The following ARNT2 variants were observed in gnomAD, a reference collection of about 807,000 sequenced individuals.
ARNT2 encodes the protein aryl hydrocarbon receptor nuclear translocator 2, also known as ARNT protein 2.
Under a neutral mutation model 91.7 loss-of-function variants are expected in ARNT2, and 36 were observed. That is an observed-to-expected ratio of 0.39 (90% CI 0.30 to 0.52). The LOEUF (loss-of-function observed/expected upper bound fraction) is 0.52, where lower values mean the gene tolerates loss of function less well. Among genes scored for constraint, ARNT2 ranks in the 20% least tolerant of loss-of-function variants. ARNT2 has a pLI of 0.72. For synonymous variants in ARNT2, 365 were observed against 347.1 expected, an observed-to-expected ratio of 1.05 and a Z score of -0.57; for missense variants, 775 against 939.3, an observed-to-expected ratio of 0.83 and a Z score of 2.29.
At chr15:80,576,176 C>T (rs986785910) in intron 14 of ARNT2, among the ~76,000 whole-genome samples, 21 of 152,160 alleles carry the variant, frequency 1.4e-4, no homozygotes, top group African/African-American at 5.1e-4. Flanking sequence ...CCATCCTCTT[C>T]GCTGTTACCC....
intron 3 of ARNT2, among the ~76,000 whole-genome samples, chr15:80,459,819 T>C (rs2094698935): frequency 6.6e-6 from 1 of 152,214 alleles, no homozygotes; most frequent in African/African-American, 2.4e-5. Context: ...GTTTCCAGCA[T>C]ATGCTGTTAC....
chr15:80,520,656 T>C (rs906556482), intron 8 of ARNT2, among the ~76,000 whole-genome samples: 12 of 152,168 alleles, frequency 7.9e-5, no homozygotes, highest in Middle Eastern at 3.2e-3. Context: ...ATTGTGGAGA[T>C]GATAACGTGA....
At chr15:80,515,625 G>A (rs12442634) in intron 8 of ARNT2, among the ~76,000 whole-genome samples, 89,890 of 151,764 alleles carry the variant, frequency 0.59, 27,425 homozygotes, top group African/African-American at 0.72. Flanking sequence ...TGTTTCTTTT[G>A]GGGGTGACAG....
At chr15:80,538,308 A>C (rs550071403) in intron 8 of ARNT2, among the ~76,000 whole-genome samples, 1 of 152,198 alleles carries the variant, frequency 6.6e-6, no homozygotes, top group East Asian at 1.9e-4. Context: ...TTGATTCCAC[A>C]TGCATAGATA....
At chr15:80,518,567 T>C (rs1897481104) in intron 8 of ARNT2, among the ~76,000 whole-genome samples, 1 of 152,148 alleles carries the variant, frequency 6.6e-6, no homozygotes, top group South Asian at 2.1e-4. Flanking sequence ...GCAGGAACCA[T>C]GGCTCCTGGC....
intron 8 of ARNT2, among the ~76,000 whole-genome samples, chr15:80,544,157 C>G (rs1340404553): frequency 1.3e-5 from 2 of 152,186 alleles, no homozygotes; most frequent in Non-Finnish European, 2.9e-5. Context: ...GTTATAATAA[C>G]TGTGTTAATG....
At chr15:80,529,858 G>A (rs1897706705) in intron 8 of ARNT2, among the ~76,000 whole-genome samples, 2 of 151,982 alleles carry the variant, frequency 1.3e-5, no homozygotes, top group African/African-American at 2.4e-5. Context: ...TCTATTCATG[G>A]TTACTGTTTA....
rs1192249841 is a variant in ARNT2, at chr15:80,404,598, G to T, written c.31+52G>T. ...CCGCCGCAGCCCGCAGGCCTTGCCC[G>T]GGGCCGGAGCGGACCAGGCGCGCCG... On this transcript the variant is annotated intron_variant, in intron 1 of 18. Transcript: ENST00000303329. The surrounding 1 kb of genome is among the most constrained non-coding windows in gnomAD (Gnocchi z 5.5). The T allele has an allele frequency of 9.7e-7, 1 of 1,032,430 alleles. No individual in the cohort carries two copies. The highest frequency in any genetic ancestry group is 1.2e-6 in the Non-Finnish European group (1 of 861,160). The allele number at this position is 1,032,430 out of a possible 1,614,324, so 64.0% of individuals were successfully genotyped here.
intron 1 of ARNT2, among the ~76,000 whole-genome samples, chr15:80,411,229 C>T (rs950499682): frequency 1.3e-5 from 2 of 152,160 alleles, no homozygotes; most frequent in African/African-American, 4.8e-5. Flanking sequence ...AGCACTTCGC[C>T]TCATGTAAAT....
intron 17 of ARNT2, among the ~76,000 whole-genome samples, chr15:80,584,706 C>A (rs745940722): frequency 6.6e-6 from 1 of 152,248 alleles, no homozygotes; most frequent in Non-Finnish European, 1.5e-5. Flanking sequence ...TTCCCAGTGC[C>A]CTCTGTGCAG....
At chr15:80,436,872 C>A (rs760079160) in intron 1 of ARNT2, among the ~76,000 whole-genome samples, 122 of 152,182 alleles carry the variant, frequency 8.0e-4, no homozygotes, top group Non-Finnish European at 1.3e-3. Flanking sequence ...GCTTGACTCA[C>A]CTTGTCTGTT....
At chr15:80,522,849 A>C (rs1897575749) in intron 8 of ARNT2, among the ~76,000 whole-genome samples, 1 of 149,826 alleles carries the variant, frequency 6.7e-6, no homozygotes, top group Admixed American at 6.6e-5. Context: ...CACATTAAAA[A>C]ATTTTTTTCT....
chr15:80,413,145 C>T (rs1327394866), intron 1 of ARNT2, among the ~76,000 whole-genome samples: 1 of 152,214 alleles, frequency 6.6e-6, no homozygotes, highest in Non-Finnish European at 1.5e-5. Flanking sequence ...TTGCCTTACT[C>T]AACAGGCAGA....
At position 80,425,716 on chromosome 15, in the gene ARNT2, T is replaced by TG; in HGVS notation, c.31+21171dup. 2.0e-5 allele frequency among the ~76,000 whole-genome samples: 3 copies of TG among 150,306 alleles called. No homozygotes were observed. The South Asian group carries it at 6.4e-4, about 32-fold the overall frequency. ...CCCTCACCCTCCACCTGTTTTGGAGTGTTTTTTTTTTGTTGTTTGTTTGTT... is the reference window on the plus strand; with the variant it reads ...CCCTCACCCTCCACCTGTTTTGGAGTGGTTTTTTTTTTGTTGTTTGTTTGTT... On this transcript the variant is annotated intron_variant, in intron 1 of 18. Transcript: ENST00000303329.
chr15:80,486,007 C>T (rs955523543), intron 5 of ARNT2, among the ~76,000 whole-genome samples: 4 of 152,096 alleles, frequency 2.6e-5, no homozygotes, highest in African/African-American at 9.7e-5. Context: ...ATCAAGGTGT[C>T]AGCAGCCAGG....
At chr15:80,581,428 G>C in intron 17 of ARNT2, 24 bp downstream of exon 17, 1 of 1,613,520 alleles carries the variant, frequency 6.2e-7, no homozygotes, top group Non-Finnish European at 8.5e-7. Context: ...GAGGGAGTGA[G>C]ATTCTGGGAA....
chr15:80,539,392 G>A (rs1220653108), intron 8 of ARNT2, among the ~76,000 whole-genome samples: 1 of 151,984 alleles, frequency 6.6e-6, no homozygotes, highest in African/African-American at 2.4e-5. Context: ...ATAAGTTTAG[G>A]TATTAATTTT....
At chr15:80,479,185 C>T (rs1030721590) in intron 5 of ARNT2, among the ~76,000 whole-genome samples, 1 of 152,198 alleles carries the variant, frequency 6.6e-6, no homozygotes, top group African/African-American at 2.4e-5. Context: ...CCTGACTTCA[C>T]TGGGGCCTGC....
chr15:80,563,733 G>A (rs1456160445), intron 12 of ARNT2, among the ~76,000 whole-genome samples: 5 of 152,180 alleles, frequency 3.3e-5, no homozygotes, highest in East Asian at 3.9e-4. Flanking sequence ...CTGCCCAGCC[G>A]TGGAAGCATT....
Sources: gnomAD v4.1 joint callset for allele counts (sites outside exome capture counted in the v4.1 genomes callset) on GRCh38, gnomAD v4.1.1 for gene constraint, Gnocchi (gnomAD v3.1) non-coding constraint, MANE v1.5 for transcripts, NCBI Gene and HGNC (gene_info 2026-07-23, HGNC 2026-07-21) for gene names.